TIMM44: variants seen among roughly 807,000 people sequenced by gnomAD.
The protein encoded by TIMM44 is translocase of inner mitochondrial membrane 44.
TIMM44 carries 37 observed loss-of-function variants against 63.8 expected under a neutral mutation model. That is an observed-to-expected ratio of 0.58 (90% CI 0.45 to 0.76). The LOEUF is 0.76. TIMM44 is among the 30% of genes least tolerant of loss of function. The pLI is 0.00. For synonymous variants in TIMM44, 239 were observed against 245.1 expected, an observed-to-expected ratio of 0.98 and a Z score of 0.23; for missense variants, 573 against 603.8, an observed-to-expected ratio of 0.95 and a Z score of 0.54.
rs1247050047 is a variant in TIMM44 at position 7,943,095 on chromosome 19, G to A, written c.45+512C>T. ...AAACGAAGAGCACGAGCAATATGAA[G>A]TACTACTTTCTGAGTGCGCCTTACA... On this transcript the variant is annotated intron_variant, in intron 1 of 12. Coordinates refer to ENST00000270538, the MANE Select transcript of TIMM44 (RefSeq NM_006351.4). The surrounding 1 kb of genome is among the most constrained non-coding windows in gnomAD (Gnocchi z 4.3). Among the ~76,000 whole-genome samples the A allele has an allele frequency of 1.3e-5, 2 of 151,054 alleles. No individual in the cohort carries two copies. Among genetic ancestry groups the A allele is most frequent in the Admixed American group, 6.6e-5 (1 of 15,150 alleles).
At chr19:7,927,340 G>A (rs767632096) in intron 12 of TIMM44, 34 bp from the exon 13 acceptor site, 2 of 1,604,588 alleles carry the variant, frequency 1.2e-6, no homozygotes, top group East Asian at 2.2e-5. Context: ...ACTGTTGAGA[G>A]GGTTGAGGTG....
chr19:7,929,790 C>T (rs1230473497), intron 10 of TIMM44, among the ~76,000 whole-genome samples: 1 of 152,132 alleles, frequency 6.6e-6, no homozygotes, highest in Non-Finnish European at 1.5e-5. Context: ...AGTCGGCCCC[C>T]AGACACCTCA....
At chr19:7,941,040 A>C in intron 2 of TIMM44, 62 bp downstream of exon 2, 1 of 1,372,400 alleles carries the variant, frequency 7.3e-7, no homozygotes, top group Non-Finnish European at 1.0e-6. Flanking sequence ...CCTCCTGCCA[A>C]TGGGATCTGA....
At chr19:7,929,887 T>C (rs1054392049) in intron 10 of TIMM44, among the ~76,000 whole-genome samples, 1 of 152,198 alleles carries the variant, frequency 6.6e-6, no homozygotes, top group African/African-American at 2.4e-5. Context: ...CTCGCTCTGT[T>C]GCCCAGGCTG....
At chr19:7,936,934 T>G (rs746316299) in intron 3 of TIMM44, among the ~76,000 whole-genome samples, 2 of 151,468 alleles carry the variant, frequency 1.3e-5, no homozygotes, top group Non-Finnish European at 2.9e-5. Flanking sequence ...AACCCTGTCT[T>G]TACTAAAAAT....
At position 7,927,148 on chromosome 19, in the gene TIMM44, G is replaced by A. The variant is rs1983830722; in HGVS notation, c.*39C>T. On this transcript the variant is annotated 3_prime_UTR_variant, in exon 13 of 13. Transcript: ENST00000270538. Reference sequence around the variant, plus strand: ...GTGGTGTTGCGGTGCCTCTGTGCCTGATGACCCAGGCCGGGGCTACCTGGC... The same window carrying A: ...GTGGTGTTGCGGTGCCTCTGTGCCTAATGACCCAGGCCGGGGCTACCTGGC... The A allele has an allele frequency of 6.3e-7, 1 of 1,584,502 alleles. No homozygotes were observed. Among genetic ancestry groups the A allele is most frequent in the Non-Finnish European group, 8.5e-7 (1 of 1,171,486 alleles).
In TIMM44 at chr19:7,934,822, G is replaced by C. The variant is rs942300612; in HGVS notation, c.393+243C>G. 6.6e-6 allele frequency among the ~76,000 whole-genome samples: 1 copy of C among 152,120 alleles called. No homozygotes were observed. The highest frequency in any genetic ancestry group is 1.5e-5 in the Non-Finnish European group (1 of 68,012). The stretch of plus-strand genomic sequence containing the variant: ...GGAAAAACATTTTCATGTTCTCCTC[G>C]AGTCCTGGCTAGCAGCACTTACTGC... On this transcript the variant is annotated intron_variant, in intron 4 of 12. Coordinates refer to ENST00000270538, the MANE Select transcript of TIMM44 (RefSeq NM_006351.4). This position sits in a 1 kb window ranked among gnomAD's most constrained non-coding sequence, Gnocchi z 5.3.
In TIMM44 at chr19:7,933,727, C is replaced by G; in HGVS notation, c.683+137G>C. ...CGCCCTCACCTCTCACCCTCAAATT[C>G]GAGGGAGCCGGGAACCTTGGGCAGA... is the stretch of plus-strand genomic sequence containing the variant. On this transcript the variant is annotated intron_variant, in intron 6 of 12. Transcript: ENST00000270538. The surrounding 1 kb of genome is among the most constrained non-coding windows in gnomAD (Gnocchi z 4.3). 1.4e-6 allele frequency: 2 copies of G among 1,431,818 alleles called. No homozygotes were observed. The highest frequency in any genetic ancestry group is 2.0e-6 in the Non-Finnish European group (2 of 1,024,598). The allele number at this position is 1,431,818 out of a possible 1,614,324, so 88.7% of individuals were successfully genotyped here.
At position 7,933,748 on chromosome 19, in the gene TIMM44, G is replaced by A. The variant is rs1446067668; in HGVS notation, c.683+116C>T. 2.0e-6 allele frequency: 3 copies of A among 1,519,548 alleles called. No homozygotes were observed. In the East Asian group the frequency reaches 6.8e-5, roughly 34 times the overall value. The allele number at this position is 1,519,548 out of a possible 1,614,324, so 94.1% of individuals were successfully genotyped here. On this transcript the variant is annotated intron_variant, in intron 6 of 12. Transcript: ENST00000270538. The surrounding 1 kb of genome is among the most constrained non-coding windows in gnomAD (Gnocchi z 4.3). ...AATTCGAGGGAGCCGGGAACCTTGG[G>A]CAGAAGGCAAACTCAAGAAACGGAC...
At chr19:7,936,918 T>C (rs945198340) in intron 3 of TIMM44, among the ~76,000 whole-genome samples, 2 of 149,572 alleles carry the variant, frequency 1.3e-5, no homozygotes, top group Admixed American at 1.3e-4. Context: ...CTGGCCAACA[T>C]GGTGAAACCC....
At chr19:7,935,246 A>G (rs1300414767) in intron 3 of TIMM44, 101 bp from the exon 4 acceptor site, 5 of 1,068,086 alleles carry the variant, frequency 4.7e-6, no homozygotes, top group Admixed American at 2.2e-5. Context: ...GCTCACTGCA[A>G]CTTCCTCCTG....
rs113499295 is a variant in TIMM44, at chr19:7,933,632, C to T, written c.684-62G>A. 2.8e-5 allele frequency: 42 copies of T among 1,474,318 alleles called. No homozygotes were observed. The highest frequency in any genetic ancestry group is 5.5e-5 in the African/African-American group (4 of 72,156). The allele number at this position is 1,474,318 out of a possible 1,614,324, so 91.3% of individuals were successfully genotyped here. ...GCCAGGGCCACCCTGTGCCCTCCTG[C>T]GGCTGCAGGCAGGGGGCAGTACAGG... On this transcript the variant is annotated intron_variant, in intron 6 of 12. Coordinates refer to ENST00000270538, the MANE Select transcript of TIMM44 (RefSeq NM_006351.4). The surrounding 1 kb of genome is among the most constrained non-coding windows in gnomAD (Gnocchi z 4.3).
At chr19:7,927,338 G>C in intron 12 of TIMM44, 32 bp from the exon 13 acceptor site, 1 of 1,605,434 alleles carries the variant, frequency 6.2e-7, no homozygotes, top group Non-Finnish European at 8.5e-7. Context: ...GCACTGTTGA[G>C]AGGGTTGAGG....
At chr19:7,937,428 G>A (rs1984186918) in intron 3 of TIMM44, among the ~76,000 whole-genome samples, 1 of 152,226 alleles carries the variant, frequency 6.6e-6, no homozygotes, top group Admixed American at 6.5e-5. Context: ...CGCTGGCCTG[G>A]CAGTTTGGGA....
rs548629313 is a variant in TIMM44, at chr19:7,934,244, G to T, written c.394-6C>A. The stretch of plus-strand genomic sequence containing the variant: ...TTACTGACTTCGTGAAGGCTCTACT[G>T]AGACAGACACAGAGAGGGGGCGTTG... On this transcript the variant is annotated splice_region_variant and splice_polypyrimidine_tract_variant and intron_variant, in intron 4 of 12. Coordinates refer to ENST00000270538, the MANE Select transcript of TIMM44 (RefSeq NM_006351.4). The surrounding 1 kb of genome is among the most constrained non-coding windows in gnomAD (Gnocchi z 5.3). 1.2e-6 allele frequency: 2 copies of T among 1,611,148 alleles called. No individual in the cohort carries two copies. Among genetic ancestry groups the T allele is most frequent in the African/African-American group, 2.7e-5 (2 of 75,062 alleles).
Position 7,934,007 on chromosome 19 carries a change from C to T in TIMM44, c.544-4G>A, listed in dbSNP as rs772175924. The T allele has an allele frequency of 1.2e-5, 19 of 1,613,920 alleles. No individual in the cohort carries two copies. The highest frequency in any genetic ancestry group is 1.6e-4 in the Middle Eastern group (1 of 6,062). On this transcript the variant is annotated splice_polypyrimidine_tract_variant and splice_region_variant and intron_variant, in intron 5 of 12. Coordinates refer to ENST00000270538, the MANE Select transcript of TIMM44 (RefSeq NM_006351.4). The surrounding 1 kb of genome is among the most constrained non-coding windows in gnomAD (Gnocchi z 5.3). ...CCTTCTTCACGGACTCCACCCCCTG[C>T]GAGGGAGGCACAGCGGGGCTGGGGT...
In TIMM44 at chr19:7,927,147, T is replaced by A. The variant is rs1168582716; in HGVS notation, c.*40A>T. 3 of 1,583,260 alleles carry A rather than the reference T, an allele frequency of 1.9e-6. No individual in the cohort carries two copies. The highest frequency in any genetic ancestry group is 2.6e-6 in the Non-Finnish European group (3 of 1,170,948). The stretch of plus-strand genomic sequence containing the variant: ...GGTGGTGTTGCGGTGCCTCTGTGCC[T>A]GATGACCCAGGCCGGGGCTACCTGG... On this transcript the variant is annotated 3_prime_UTR_variant, in exon 13 of 13. Coordinates refer to ENST00000270538, the MANE Select transcript of TIMM44 (RefSeq NM_006351.4).
intron 10 of TIMM44, 168 bp from the exon 11 acceptor site, chr19:7,928,334 G>A (rs1302778654): frequency 9.8e-6 from 6 of 612,532 alleles, no homozygotes; most frequent in Admixed American, 2.7e-5. Context: ...CCCACTTACT[G>A]GCCCAGATCA....
At chr19:7,930,092 G>A (rs34360510) in intron 10 of TIMM44, among the ~76,000 whole-genome samples, 9,400 of 151,294 alleles carry the variant, frequency 0.062, 303 homozygotes, top group Non-Finnish European at 0.071. Flanking sequence ...CAGGTGATCC[G>A]CCCGCCTCAG....
Sources: allele counts gnomAD v4.1 joint callset (sites outside exome capture counted in the v4.1 genomes callset), GRCh38; gene constraint gnomAD v4.1.1; non-coding constraint Gnocchi (gnomAD v3.1); transcripts MANE v1.5; gene names NCBI Gene and HGNC (gene_info 2026-07-23, HGNC 2026-07-21).